SCRN3: variants seen among roughly 807,000 people sequenced by gnomAD.
The protein encoded by SCRN3 is secernin-3.
SCRN3 carries 39 observed loss-of-function variants against 43.1 expected under a neutral mutation model. That is an observed-to-expected ratio of 0.91 (90% CI 0.70 to 1.18). The LOEUF (loss-of-function observed/expected upper bound fraction) is 1.18. SCRN3 is among the 50% of genes most tolerant of loss of function. The pLI, the probability that SCRN3 is intolerant of heterozygous loss-of-function variation, is 0.00. For synonymous variants in SCRN3, 147 were observed against 163.1 expected, an observed-to-expected ratio of 0.90 and a Z score of 0.75; for missense variants, 484 against 498.0, an observed-to-expected ratio of 0.97 and a Z score of 0.27.
intron 5 of SCRN3, among the ~76,000 whole-genome samples, chr2:174,411,806 A>G (rs1685927330): frequency 6.6e-6 from 1 of 152,130 alleles, no homozygotes; most frequent in African/African-American, 2.4e-5. Flanking sequence ...CTGTAATCCC[A>G]GCTACTTGGG....
chr2:174,420,610 T>C (rs186117434), intron 5 of SCRN3, among the ~76,000 whole-genome samples: 1 of 152,244 alleles, frequency 6.6e-6, no homozygotes, highest in African/African-American at 2.4e-5. Flanking sequence ...GAGAATTTCA[T>C]CAGGGAACTG....
intron 5 of SCRN3, among the ~76,000 whole-genome samples, chr2:174,416,483 A>G (rs1252727529): frequency 6.6e-6 from 1 of 152,140 alleles, no homozygotes; most frequent in African/African-American, 2.4e-5. Context: ...AGAATCAACT[A>G]CTCTGAGATA....
chr2:174,426,388 G>GA (rs544864120), intron 7 of SCRN3, among the ~76,000 whole-genome samples: 42 of 152,140 alleles, frequency 2.8e-4, no homozygotes, highest in African/African-American at 1.0e-3. Flanking sequence ...TGTTTCCTCA[G>GA]AAAAAAGCTG....
intron 4 of SCRN3, among the ~76,000 whole-genome samples, chr2:174,402,767 T>G (rs1305536949): frequency 2.6e-5 from 4 of 152,206 alleles, no homozygotes; most frequent in African/African-American, 7.2e-5. Context: ...GACTTGGATC[T>G]GGTTTTTGTA....
At chr2:174,396,157 T>A in intron 1 of SCRN3, 2 of 848,334 alleles carry the variant, frequency 2.4e-6, no homozygotes, top group Non-Finnish European at 3.0e-6. Flanking sequence ...CCGGCTGAAC[T>A]AAGAGCGCGT....
At chr2:174,410,128 C>G (rs1206172536) in intron 5 of SCRN3, 1 of 151,916 alleles carries the variant, frequency 6.6e-6, no homozygotes, top group Non-Finnish European at 1.5e-5. Context: ...GGGCGTAGGA[C>G]CCTCCGAGCC....
At chr2:174,424,127 C>T (rs13005017) in intron 6 of SCRN3, among the ~76,000 whole-genome samples, 26,177 of 152,046 alleles carry the variant, frequency 0.17, 2,478 homozygotes, top group South Asian at 0.29. Flanking sequence ...CTGATGTTCA[C>T]CCCAAGTCCT....
At chr2:174,415,270 T>C (rs1312590871) in intron 5 of SCRN3, among the ~76,000 whole-genome samples, 1 of 152,136 alleles carries the variant, frequency 6.6e-6, no homozygotes, top group Non-Finnish European at 1.5e-5. Flanking sequence ...TTTCAACCTT[T>C]ATAAATTTTG....
intron 6 of SCRN3, among the ~76,000 whole-genome samples, chr2:174,423,793 T>C (rs1217304386): frequency 1.4e-5 from 2 of 145,956 alleles, no homozygotes; most frequent in East Asian, 2.0e-4. Flanking sequence ...TTTTTTTTTT[T>C]TTTTTTTTTT....
intron 2 of SCRN3, among the ~76,000 whole-genome samples, chr2:174,399,202 TA>T: frequency 6.6e-6 from 1 of 152,222 alleles, no homozygotes; most frequent in South Asian, 2.1e-4. Flanking sequence ...ACATATTAAA[TA>T]TTAGACTTTT....
chr2:174,413,457 C>T (rs1242986704), intron 5 of SCRN3, among the ~76,000 whole-genome samples: 7 of 152,134 alleles, frequency 4.6e-5, no homozygotes, highest in African/African-American at 1.7e-4. Flanking sequence ...TTGCAGTCTG[C>T]CCCACACATG....
chr2:174,417,672 C>T (rs1436606738), intron 5 of SCRN3, among the ~76,000 whole-genome samples: 5 of 152,172 alleles, frequency 3.3e-5, no homozygotes, highest in African/African-American at 1.2e-4. Context: ...GAATTACAGG[C>T]GTCAGCCGCC....
Position 174,399,161 on chromosome 2 carries a change from GATTTT to G in SCRN3, c.159+728_159+732del, listed in dbSNP as rs1186930289. On this transcript the variant is annotated intron_variant, in intron 2 of 7. Transcript: ENST00000272732. ...TATTGTTGCTAATTCATACTTTTTAGATTTTATTTTATTGATATTCTAATATTAAA... is the reference window on the plus strand; with the variant it reads ...TATTGTTGCTAATTCATACTTTTTAGATTTTATTGATATTCTAATATTAAA... Among the ~76,000 whole-genome samples, 19 of 152,236 alleles carry G rather than the reference GATTTT, an allele frequency of 1.2e-4. No individual in the cohort carries two copies. The East Asian group carries it at 3.3e-3, about 26-fold the overall frequency.
At chr2:174,419,547 A>AT (rs906988187) in intron 5 of SCRN3, among the ~76,000 whole-genome samples, 15 of 147,844 alleles carry the variant, frequency 1.0e-4, no homozygotes, top group African/African-American at 1.5e-4. Flanking sequence ...ACCTGGCTAA[A>AT]TTTTTTTTTT....
Position 174,424,553 on chromosome 2 carries a change from A to G in SCRN3, c.996A>G (p.Glu332=), listed in dbSNP as rs1447907210. 11 of 1,613,094 alleles carry G rather than the reference A, an allele frequency of 6.8e-6. No homozygotes were observed. The highest frequency in any genetic ancestry group is 9.3e-6 in the Non-Finnish European group (11 of 1,179,328). The change falls in exon 7 of 8, where the codon GAA becomes GAG. Residue 332 remains glutamate, a synonymous_variant. Coordinates refer to ENST00000272732, the MANE Select transcript of SCRN3 (RefSeq NM_024583.5). Reference sequence around the variant, plus strand: ...CCAGTTCACCAACATTTGAACTTGAAGATCTAGTTAAAAAGAAATCACATT... The same window carrying G: ...CCAGTTCACCAACATTTGAACTTGAGGATCTAGTTAAAAAGAAATCACATT... ...LDTSSPTFEL[E]DLVKKKSHFK...
intron 1 of SCRN3, chr2:174,396,203 G>A (rs1461485588): frequency 2.4e-6 from 2 of 828,766 alleles, no homozygotes; most frequent in South Asian, 5.4e-5. Flanking sequence ...AAGAACGGAG[G>A]CCCTGTCTAT....
chr2:174,396,057 GT>G, intron 1 of SCRN3: 1 of 1,249,656 alleles, frequency 8.0e-7, no homozygotes, highest in East Asian at 3.0e-5. Context: ...TTTCTGCACT[GT>G]TTTTCTCATC....
intron 7 of SCRN3, 129 bp downstream of exon 7, chr2:174,424,778 A>C (rs930740868): frequency 9.4e-6 from 6 of 635,712 alleles, no homozygotes; most frequent in East Asian, 8.5e-5. Flanking sequence ...TTAGATGCTC[A>C]GACTATAGTA....
intron 6 of SCRN3, among the ~76,000 whole-genome samples, chr2:174,424,087 A>G (rs977922798): frequency 6.6e-6 from 1 of 152,124 alleles, no homozygotes; most frequent in African/African-American, 2.4e-5. Context: ...CACTGTGCCC[A>G]GCATGTGTCC....
Sources: allele counts gnomAD v4.1 joint callset (sites outside exome capture counted in the v4.1 genomes callset), GRCh38; gene constraint gnomAD v4.1.1; transcripts MANE v1.5; gene names NCBI Gene and HGNC (gene_info 2026-07-23, HGNC 2026-07-21).